The following PIBF1 variants were observed in gnomAD, a reference collection of about 807,000 sequenced individuals.
PIBF1 encodes the protein progesterone immunomodulatory binding factor 1.
In PIBF1, 90 loss-of-function variants were observed where a neutral mutation model predicts 112.5. That is an observed-to-expected ratio of 0.80 (90% CI 0.67 to 0.95). PIBF1 has a LOEUF of 0.95. PIBF1 is among the 40% of genes least tolerant of loss of function. The pLI, the probability that PIBF1 is intolerant of heterozygous loss-of-function variation, is 0.00. For synonymous variants in PIBF1, 301 were observed against 288.6 expected (o/e 1.04, Z -0.44); for missense variants, 915 against 852.3 (o/e 1.07, Z -0.92).
At chr13:72,940,643 C>T (rs2041986576) in intron 14 of PIBF1, among the ~76,000 whole-genome samples, 1 of 152,030 alleles carries the variant, frequency 6.6e-6, no homozygotes, top group Non-Finnish European at 1.5e-5. Context: ...TGTTCTGGGA[C>T]ATAGTTAGGT....
intron 10 of PIBF1, among the ~76,000 whole-genome samples, chr13:72,868,763 C>T (rs1013076135): frequency 3.4e-5 from 5 of 146,286 alleles, no homozygotes; most frequent in Non-Finnish European, 7.4e-5. Flanking sequence ...GTGGGAGGAT[C>T]ACTAGAGGCT....
chr13:72,797,172 T>C (rs930908328), intron 4 of PIBF1, among the ~76,000 whole-genome samples: 1 of 152,128 alleles, frequency 6.6e-6, no homozygotes, highest in Non-Finnish European at 1.5e-5. Context: ...TGATTAGACT[T>C]CCACTGTAGG....
chr13:72,943,619 C>A (rs1158494501), intron 14 of PIBF1, among the ~76,000 whole-genome samples: 1 of 152,190 alleles, frequency 6.6e-6, no homozygotes, highest in Non-Finnish European at 1.5e-5. Flanking sequence ...CAATTTGATT[C>A]TAATCTACTT....
chr13:72,848,946 C>T (rs1409151906), intron 9 of PIBF1, among the ~76,000 whole-genome samples: 1 of 152,112 alleles, frequency 6.6e-6, no homozygotes, highest in Non-Finnish European at 1.5e-5. Flanking sequence ...GTTTCTTTGG[C>T]ATAATTTTTA....
At chr13:72,915,068 A>ATT (rs2041036358) in intron 12 of PIBF1, among the ~76,000 whole-genome samples, 1 of 152,240 alleles carries the variant, frequency 6.6e-6, no homozygotes, top group Non-Finnish European at 1.5e-5. Context: ...TATTATATAT[A>ATT]GCATGTACAT....
intron 5 of PIBF1, among the ~76,000 whole-genome samples, chr13:72,812,591 T>C (rs2036072284): frequency 6.6e-6 from 1 of 152,006 alleles, no homozygotes; most frequent in Non-Finnish European, 1.5e-5. Flanking sequence ...AACTCCAGCC[T>C]GGCCAACATG....
intron 10 of PIBF1, chr13:72,884,436 A>C (rs2039764250): frequency 6.6e-6 from 1 of 152,192 alleles, no homozygotes; most frequent in Admixed American, 6.6e-5. Flanking sequence ...AATTTCAGCC[A>C]ACCTAGAGAG....
intron 13 of PIBF1, among the ~76,000 whole-genome samples, chr13:72,930,455 A>G (rs1156562772): frequency 6.6e-6 from 1 of 152,188 alleles, no homozygotes; most frequent in Non-Finnish European, 1.5e-5. Context: ...CTTTAAAGAA[A>G]TATACCACTT....
At chr13:72,844,969 TTTTTA>T (rs531463400) in intron 9 of PIBF1, among the ~76,000 whole-genome samples, 61 of 152,070 alleles carry the variant, frequency 4.0e-4, no homozygotes, top group African/African-American at 1.3e-3. Context: ...TTTCTTTTCT[TTTTTA>T]TTTTATTTTA....
intron 17 of PIBF1, 22 bp downstream of exon 17, chr13:72,999,017 C>T: frequency 6.9e-7 from 1 of 1,446,576 alleles, no homozygotes; most frequent in Non-Finnish European, 9.5e-7. Flanking sequence ...TTTTAAAACT[C>T]ATAATTTTAA....
At chr13:72,992,201 G>C (rs569664445) in intron 16 of PIBF1, among the ~76,000 whole-genome samples, 1 of 152,198 alleles carries the variant, frequency 6.6e-6, no homozygotes, top group African/African-American at 2.4e-5. Context: ...TCAGTCAATC[G>C]ATCAATCAAT....
At chr13:72,979,424 A>T (rs2043101172) in intron 16 of PIBF1, among the ~76,000 whole-genome samples, 1 of 152,184 alleles carries the variant, frequency 6.6e-6, no homozygotes, top group Non-Finnish European at 1.5e-5. Context: ...ATCTTTCATC[A>T]GCCAAATGCC....
intron 16 of PIBF1, among the ~76,000 whole-genome samples, chr13:72,990,213 C>CAA (rs34873893): frequency 2.8e-3 from 145 of 52,190 alleles, no homozygotes; most frequent in Non-Finnish European, 3.3e-3. Context: ...GACTCTGTCT[C>CAA]AAAAAAAAAA....
At chr13:72,989,623 CAG>C (rs1447313050) in intron 16 of PIBF1, among the ~76,000 whole-genome samples, 70 of 152,210 alleles carry the variant, frequency 4.6e-4, no homozygotes, top group Non-Finnish European at 8.8e-5. Flanking sequence ...TTAAAGCAAT[CAG>C]AGTTTCTTAG....
rs1162045366 is a variant in PIBF1, at chr13:72,973,573, T to G, written c.1965-18T>G. On this transcript the variant is annotated intron_variant, in intron 15 of 17. Coordinates refer to ENST00000326291, the MANE Select transcript of PIBF1 (RefSeq NM_006346.4). ...TACTAACATAATGACTTTTTAAAAC[T>G]GGGGTTTTTTTTTTCAGCAACTTAA... 2.9e-6 allele frequency: 4 copies of G among 1,362,936 alleles called. No homozygotes were observed. In the African/African-American group the frequency reaches 4.4e-5, roughly 15 times the overall value. The allele number at this position is 1,362,936 out of a possible 1,614,324, so 84.4% of individuals were successfully genotyped here.
rs2041852971 is a variant in PIBF1 at position 72,935,729 on chromosome 13, TG to T, written c.1833+4465del. Among the ~76,000 whole-genome samples, 4 of 152,184 alleles carry T rather than the reference TG, an allele frequency of 2.6e-5. No individual in the cohort carries two copies. The South Asian group carries it at 8.3e-4, about 31-fold the overall frequency. On this transcript the variant is annotated intron_variant, in intron 14 of 17. Coordinates refer to ENST00000326291, the MANE Select transcript of PIBF1 (RefSeq NM_006346.4). Reference sequence around the variant, plus strand: ...TGGTTAGTTTTTTTATCCACTATAATGGGTGTGTAGTGGCATATTAGTGTGG... The same window carrying T: ...TGGTTAGTTTTTTTATCCACTATAATGGTGTGTAGTGGCATATTAGTGTGG...
intron 11 of PIBF1, among the ~76,000 whole-genome samples, chr13:72,900,631 C>G (rs932586796): frequency 6.6e-6 from 1 of 152,072 alleles, no homozygotes; most frequent in African/African-American, 2.4e-5. Context: ...ACCTAAGACC[C>G]AAAACTATAA....
chr13:72,990,341 GA>G (rs1335524805), intron 16 of PIBF1, among the ~76,000 whole-genome samples: 5 of 148,582 alleles, frequency 3.4e-5, no homozygotes, highest in South Asian at 2.2e-4. Context: ...CCAACATGGT[GA>G]AAACCCCGTC....
At chr13:72,927,671 TGTAA>T (rs944581676) in intron 13 of PIBF1, among the ~76,000 whole-genome samples, 2 of 152,014 alleles carry the variant, frequency 1.3e-5, no homozygotes, top group Non-Finnish European at 2.9e-5. Context: ...TTTGTTTTAC[TGTAA>T]GTATTATAAT....
Sources: gnomAD v4.1 joint callset for allele counts (sites outside exome capture counted in the v4.1 genomes callset) on GRCh38, gnomAD v4.1.1 for gene constraint, MANE v1.5 for transcripts, NCBI Gene and HGNC (gene_info 2026-07-23, HGNC 2026-07-21) for gene names.